The following GRIK1 variants were observed in gnomAD, a reference collection of about 807,000 sequenced individuals.
The protein encoded by GRIK1 is glutamate ionotropic receptor kainate type subunit 1.
GRIK1 carries 69 observed loss-of-function variants against 105.7 expected under a neutral mutation model. The ratio of observed to expected loss-of-function variants is 0.65; its 90% CI spans 0.54 to 0.80. The LOEUF (loss-of-function observed/expected upper bound fraction) is 0.80, where lower values mean the gene tolerates loss of function less well. GRIK1 is among the 30% of genes least tolerant of loss of function. The pLI, the probability that GRIK1 is intolerant of heterozygous loss-of-function variation, is 0.00. For missense variants in GRIK1, 1,109 were observed against 1,167.3 expected (o/e 0.95, Z 0.73); for synonymous variants, 438 against 431.3 (o/e 1.02, Z -0.19).
At chr21:29,727,397 A>G (rs934515632) in intron 1 of GRIK1, among the ~76,000 whole-genome samples, 2 of 152,198 alleles carry the variant, frequency 1.3e-5, no homozygotes, top group Non-Finnish European at 2.9e-5. Flanking sequence ...ACTTGATATA[A>G]TGGTACTGTA....
rs1231688513 is a variant in GRIK1, at chr21:29,808,027, C to T, written c.119-113964G>A. ...CTTGAATGAGGAAAATAACAGATCA[C>T]TGAACACTCAGGATTGGCCTATTCT... On this transcript the variant is annotated intron_variant, in intron 1 of 17. Transcript: ENST00000327783. Among the ~76,000 whole-genome samples the T allele has an allele frequency of 2.0e-5, 3 of 152,104 alleles. No homozygotes were observed. The East Asian group carries it at 5.8e-4, about 29-fold the overall frequency.
intron 1 of GRIK1, among the ~76,000 whole-genome samples, chr21:29,733,305 T>C (rs572921292): frequency 6.6e-6 from 1 of 152,270 alleles, no homozygotes; most frequent in Admixed American, 6.5e-5. Flanking sequence ...GATATTAGAA[T>C]GTATACCAAT....
chr21:29,798,306 T>G (rs1035969221), intron 1 of GRIK1, among the ~76,000 whole-genome samples: 1 of 152,218 alleles, frequency 6.6e-6, no homozygotes, highest in African/African-American at 2.4e-5. Context: ...GTTTTATTGG[T>G]GACCTCACTG....
intron 1 of GRIK1, among the ~76,000 whole-genome samples, chr21:29,882,029 A>G (rs1367416842): frequency 6.6e-6 from 1 of 152,060 alleles, no homozygotes; most frequent in African/African-American, 2.4e-5. Context: ...AGGAGAACAG[A>G]TGGTTGGGGT....
intron 3 of GRIK1, 133 bp downstream of exon 3, chr21:29,689,595 C>A: frequency 1.3e-6 from 1 of 745,880 alleles, no homozygotes; most frequent in Non-Finnish European, 2.3e-6. Flanking sequence ...TAAATTACTT[C>A]AGAATATTCA....
chr21:29,579,997 G>GTA (rs1483817554), intron 13 of GRIK1, among the ~76,000 whole-genome samples: 1 of 143,590 alleles, frequency 7.0e-6, no homozygotes, highest in Non-Finnish European at 1.5e-5. Context: ...GTATATATAT[G>GTA]TATATATATG....
intron 16 of GRIK1, among the ~76,000 whole-genome samples, chr21:29,551,589 T>C (rs931175988): frequency 6.6e-6 from 1 of 152,184 alleles, no homozygotes; most frequent in Non-Finnish European, 1.5e-5. Context: ...AAATAATACA[T>C]AAATGTCAGA....
intron 7 of GRIK1, among the ~76,000 whole-genome samples, chr21:29,605,499 C>T (rs996964855): frequency 8.5e-5 from 13 of 152,192 alleles, no homozygotes; most frequent in African/African-American, 2.6e-4. Flanking sequence ...CATGTCTTTG[C>T]TATTGTGAAT....
intron 1 of GRIK1, among the ~76,000 whole-genome samples, chr21:29,755,547 G>A (rs752161355): frequency 5.9e-5 from 9 of 152,230 alleles, no homozygotes; most frequent in Non-Finnish European, 1.2e-4. Context: ...ATGTGGTAAA[G>A]TCATAGCGGC....
chr21:29,844,770 G>A (rs1264069384), intron 1 of GRIK1, among the ~76,000 whole-genome samples: 1 of 152,210 alleles, frequency 6.6e-6, no homozygotes, highest in East Asian at 1.9e-4. Context: ...CATCATTTAA[G>A]TTTATAGCAT....
chr21:29,840,753 A>G (rs1467048378), intron 1 of GRIK1, among the ~76,000 whole-genome samples: 1 of 152,170 alleles, frequency 6.6e-6, no homozygotes, highest in African/African-American at 2.4e-5. Context: ...CTCTTGCTGA[A>G]ATATCAACAT....
intron 1 of GRIK1, among the ~76,000 whole-genome samples, chr21:29,794,460 G>C (rs2066502903): frequency 6.6e-6 from 1 of 152,132 alleles, no homozygotes. Context: ...ACTTGAGGAA[G>C]TTACTTTGGG....
At chr21:29,673,578 A>G (rs1373321830) in intron 3 of GRIK1, among the ~76,000 whole-genome samples, 1 of 152,230 alleles carries the variant, frequency 6.6e-6, no homozygotes, top group African/African-American at 2.4e-5. Flanking sequence ...TGTCTAGGCT[A>G]TAAACTTCTG....
At chr21:29,651,348 A>G in intron 5 of GRIK1, 57 bp from the exon 6 acceptor site, 1 of 1,135,134 alleles carries the variant, frequency 8.8e-7, no homozygotes, top group Non-Finnish European at 1.3e-6. Context: ...CATTTTTTAT[A>G]CAAAAGAATA....
At chr21:29,539,242 A>C (rs1178342528) in intron 16 of GRIK1, among the ~76,000 whole-genome samples, 4 of 152,190 alleles carry the variant, frequency 2.6e-5, no homozygotes, top group Non-Finnish European at 5.9e-5. Flanking sequence ...TTGTGTCTCA[A>C]TACACACAAT....
chr21:29,803,510 T>G (rs1229035281), intron 1 of GRIK1, among the ~76,000 whole-genome samples: 4 of 152,152 alleles, frequency 2.6e-5, no homozygotes, highest in African/African-American at 9.6e-5. Flanking sequence ...GAGAATTTTC[T>G]GGGCTGGGGC....
At chr21:29,880,742 A>G (rs1297151795) in intron 1 of GRIK1, among the ~76,000 whole-genome samples, 1 of 152,164 alleles carries the variant, frequency 6.6e-6, no homozygotes, top group Admixed American at 6.5e-5. Flanking sequence ...ATTTGTGGCA[A>G]TCAGGACAAT....
chr21:29,601,289 G>A (rs1238402391), intron 7 of GRIK1: 6 of 483,494 alleles, frequency 1.2e-5, no homozygotes, highest in East Asian at 1.1e-4. Flanking sequence ...GATGCTCTTC[G>A]TTCTCAGGCC....
chr21:29,861,422 C>T (rs1459332629), intron 1 of GRIK1, among the ~76,000 whole-genome samples: 1 of 152,128 alleles, frequency 6.6e-6, no homozygotes, highest in East Asian at 1.9e-4. Flanking sequence ...TCTCCTATCT[C>T]AGCCTCCTGA....
Sources: gnomAD v4.1 joint callset for allele counts (sites outside exome capture counted in the v4.1 genomes callset) on GRCh38, gnomAD v4.1.1 for gene constraint, MANE v1.5 for transcripts, NCBI Gene and HGNC (gene_info 2026-07-23, HGNC 2026-07-21) for gene names.